The following CNPY1 variants were observed in gnomAD, a reference collection of about 807,000 sequenced individuals.
The protein encoded by CNPY1 is protein canopy homolog 1.
In CNPY1, 14 loss-of-function variants were observed where a neutral mutation model predicts 14.4. The ratio of observed to expected loss-of-function variants is 0.97; its 90% CI spans 0.64 to 1.52. The LOEUF is 1.52. Among genes scored for constraint, CNPY1 ranks in the 40% most tolerant of loss-of-function variants. The probability of loss-of-function intolerance (pLI) is 0.00; values close to 1 mark genes in which losing one functional copy is unlikely to be tolerated. For synonymous variants in CNPY1, 43 were observed against 46.5 expected, an observed-to-expected ratio of 0.92 and a Z score of 0.31; for missense variants, 129 against 131.5, an observed-to-expected ratio of 0.98 and a Z score of 0.09.
At chr7:155,523,059 C>G (rs1416668728) in intron 2 of CNPY1, among the ~76,000 whole-genome samples, 1 of 152,154 alleles carries the variant, frequency 6.6e-6, no homozygotes, top group Non-Finnish European at 1.5e-5. Flanking sequence ...TTTGTGGATT[C>G]AAACAATTCT....
intron 2 of CNPY1, among the ~76,000 whole-genome samples, chr7:155,540,760 G>T (rs867151440): frequency 6.6e-6 from 1 of 152,204 alleles, no homozygotes. Flanking sequence ...GGAGCTCGGA[G>T]GTTCAAAATC....
At chr7:155,508,851 C>T (rs747076469) in intron 3 of CNPY1, 43 bp downstream of exon 3, 9 of 1,594,010 alleles carry the variant, frequency 5.6e-6, no homozygotes, top group African/African-American at 1.4e-5. Context: ...TCCAAAAACA[C>T]GTTTCTGGAT....
intron 2 of CNPY1, among the ~76,000 whole-genome samples, chr7:155,517,940 A>G (rs1419940328): frequency 6.6e-6 from 1 of 152,228 alleles, no homozygotes; most frequent in Non-Finnish European, 1.5e-5. Context: ...AAACACCTTT[A>G]AAGTGGCAGG....
chr7:155,509,963 G>A (rs1796483106), intron 2 of CNPY1, among the ~76,000 whole-genome samples: 1 of 152,200 alleles, frequency 6.6e-6, no homozygotes, highest in Non-Finnish European at 1.5e-5. Context: ...GGCTCCTTCC[G>A]GAAGGGGGCG....
chr7:155,517,182 C>T (rs1231916357), intron 2 of CNPY1, among the ~76,000 whole-genome samples: 1 of 152,162 alleles, frequency 6.6e-6, no homozygotes, highest in Non-Finnish European at 1.5e-5. Context: ...GGATTAAGAT[C>T]AGATCGGGTC....
chr7:155,516,005 ACG>A (rs942670896), intron 2 of CNPY1, among the ~76,000 whole-genome samples: 3 of 129,620 alleles, frequency 2.3e-5, no homozygotes, highest in Admixed American at 7.8e-5. Flanking sequence ...ATGAACGTGC[ACG>A]CGTGTGTGTG....
rs1554449558 is a variant in CNPY1, at chr7:155,527,057, T to TCTTTCTTTCTTTC, written c.100-17961_100-17960insGAAAGAAAGAAAG. On this transcript the variant is annotated intron_variant, in intron 2 of 4. Coordinates refer to ENST00000636446, the MANE Select transcript of CNPY1 (RefSeq NM_001393663.1). The stretch of plus-strand genomic sequence containing the variant: ...TTCTTTCTTTCTTTCTTTCTTTCTT[T>TCTTTCTTTCTTTC]TTTTTTTTTTTTTTGAGACAGTCTT... 7.6e-5 allele frequency among the ~76,000 whole-genome samples: 7 copies of TCTTTCTTTCTTTC among 92,518 alleles called. No homozygotes were observed. In the East Asian group the frequency reaches 1.8e-3, roughly 23 times the overall value. 60.7% of individuals were successfully genotyped at this position (92,518 alleles called of 152,430 possible). A position where few individuals can be genotyped will look rare whatever the true frequency, so the allele number is the denominator to read the frequency against.
rs1185103096 is a variant in CNPY1, at chr7:155,501,242, T to C, written c.*1826A>G. ...AGTCAAGGTTCCTCGCCCTCTCCATTCAAAGCAAAGCATCACTGTCCATGA... is the reference window on the plus strand; with the variant it reads ...AGTCAAGGTTCCTCGCCCTCTCCATCCAAAGCAAAGCATCACTGTCCATGA... On this transcript the variant is annotated 3_prime_UTR_variant, in exon 5 of 5. Transcript: ENST00000636446. 1 of 152,210 alleles carries C rather than the reference T, an allele frequency of 6.6e-6. No homozygotes were observed. The highest frequency in any genetic ancestry group is 6.5e-5 in the Admixed American group (1 of 15,282). The allele number at this position is 152,210 out of a possible 1,614,324, so 9.4% of individuals were successfully genotyped here. A position where few individuals can be genotyped will look rare whatever the true frequency, so the allele number is the denominator to read the frequency against.
At chr7:155,535,870 A>G (rs1002907849) in intron 2 of CNPY1, among the ~76,000 whole-genome samples, 2 of 152,192 alleles carry the variant, frequency 1.3e-5, no homozygotes, top group African/African-American at 2.4e-5. Context: ...TCTGGTAAGC[A>G]TCGTCTGCTA....
chr7:155,546,484 A>G lies in CNPY1; in HGVS notation c.-70T>C, dbSNP rs545731616. ...TATCAGCCACCATGTGCAGCCTTCA[A>G]ATGTGCTTTCCTATTTATTCATTTA... On this transcript the variant is annotated 5_prime_UTR_variant, in exon 1 of 5. Coordinates refer to ENST00000636446, the MANE Select transcript of CNPY1 (RefSeq NM_001393663.1). 5.3e-5 allele frequency: 21 copies of G among 396,566 alleles called. No individual in the cohort carries two copies. The highest frequency in any genetic ancestry group is 3.5e-4 in the African/African-American group (17 of 47,972). The allele number at this position is 396,566 out of a possible 1,614,324, so 24.6% of individuals were successfully genotyped here.
chr7:155,519,562 T>TAAATAAAA (rs1484145913), intron 2 of CNPY1, among the ~76,000 whole-genome samples: 1 of 136,430 alleles, frequency 7.3e-6, no homozygotes, highest in South Asian at 2.2e-4. Context: ...AATAAATAAA[T>TAAATAAAA]AAGAAAGAAA....
intron 2 of CNPY1, among the ~76,000 whole-genome samples, chr7:155,527,134 C>CTAGG (rs1308353355): frequency 6.7e-6 from 1 of 148,304 alleles, no homozygotes; most frequent in Non-Finnish European, 1.5e-5. Flanking sequence ...TCACTGCAAC[C>CTAGG]TCTACCTCAC....
chr7:155,543,817 G>C (rs762578701), intron 2 of CNPY1, among the ~76,000 whole-genome samples: 1 of 152,180 alleles, frequency 6.6e-6, no homozygotes, highest in Non-Finnish European at 1.5e-5. Context: ...CAGGAGCCCT[G>C]GGCAGAAAGA....
intron 2 of CNPY1, among the ~76,000 whole-genome samples, chr7:155,531,529 GCT>G (rs1268176965): frequency 1.3e-5 from 2 of 152,184 alleles, no homozygotes; most frequent in African/African-American, 4.8e-5. Flanking sequence ...TGACTTATAG[GCT>G]GCTCAAAGTG....
chr7:155,523,869 A>C (rs1280216270), intron 2 of CNPY1, among the ~76,000 whole-genome samples: 3 of 152,210 alleles, frequency 2.0e-5, no homozygotes, highest in Non-Finnish European at 4.4e-5. Flanking sequence ...ATGCCTTACC[A>C]GTCACATGGT....
At chr7:155,533,949 T>A (rs1371443457) in intron 2 of CNPY1, 1 of 152,140 alleles carries the variant, frequency 6.6e-6, no homozygotes, top group African/African-American at 2.4e-5. Context: ...AAATTTTTAA[T>A]CCCTGAGGTT....
intron 2 of CNPY1, among the ~76,000 whole-genome samples, chr7:155,527,269 A>G (rs1176316177): frequency 6.6e-6 from 1 of 150,996 alleles, no homozygotes; most frequent in Admixed American, 6.6e-5. Flanking sequence ...TAAAACGTCG[A>G]AGCCAAAAAC....
intron 2 of CNPY1, among the ~76,000 whole-genome samples, chr7:155,513,800 A>T (rs768455371): frequency 1.3e-5 from 2 of 152,018 alleles, no homozygotes; most frequent in African/African-American, 4.8e-5. Flanking sequence ...TTGATTCTTT[A>T]TGAAGTTAAA....
At chr7:155,511,916 A>G (rs1265016167) in intron 2 of CNPY1, among the ~76,000 whole-genome samples, 1 of 152,232 alleles carries the variant, frequency 6.6e-6, no homozygotes, top group East Asian at 1.9e-4. Context: ...TCAAATGTAC[A>G]TGATTAGAGT....
Sources: allele counts gnomAD v4.1 joint callset (sites outside exome capture counted in the v4.1 genomes callset), GRCh38; gene constraint gnomAD v4.1.1; transcripts MANE v1.5; gene names NCBI Gene and HGNC (gene_info 2026-07-23, HGNC 2026-07-21).